ACTL6A: variants seen among roughly 807,000 people sequenced by gnomAD.
ACTL6A encodes actin like 6A.
In ACTL6A, 5 loss-of-function variants were observed where a neutral mutation model predicts 59.2. The ratio of observed to expected loss-of-function variants is 0.08; its 90% confidence interval spans 0.04 to 0.18. The LOEUF (loss-of-function observed/expected upper bound fraction) is 0.18. ACTL6A is among the 10% of genes least tolerant of loss of function. The pLI, the probability that ACTL6A is intolerant of heterozygous loss-of-function variation, is 1.00. For synonymous variants in ACTL6A, 154 were observed against 171.8 expected (o/e 0.90, Z 0.81); for missense variants, 285 against 526.9 (o/e 0.54, Z 4.49).
chr3:179,580,825 CTAG>C (rs1388187051), intron 9 of ACTL6A, 66 bp from the exon 10 acceptor site: 21 of 1,429,520 alleles, frequency 1.5e-5, no homozygotes, highest in Admixed American at 2.3e-5. Context: ...TTATAATTCC[CTAG>C]TAGTTTATAA....
chr3:179,575,776 T>G (rs1718150005), intron 5 of ACTL6A, among the ~76,000 whole-genome samples: 1 of 152,240 alleles, frequency 6.6e-6, no homozygotes, highest in South Asian at 2.1e-4. Context: ...GCCAAACTGC[T>G]GAAACAGCTC....
At chr3:179,563,996 G>A (rs1322784535) in intron 1 of ACTL6A, among the ~76,000 whole-genome samples, 3 of 152,124 alleles carry the variant, frequency 2.0e-5, no homozygotes, top group Non-Finnish European at 4.4e-5. Flanking sequence ...CTAGCCGATG[G>A]GGGTGGGCAT....
intron 13 of ACTL6A, 48 bp downstream of exon 13, chr3:179,586,680 A>AT: frequency 1.4e-6 from 2 of 1,390,504 alleles, no homozygotes; most frequent in Non-Finnish European, 2.0e-6. Context: ...GAATTATACT[A>AT]AATTTAGTAA....
intron 5 of ACTL6A, chr3:179,575,544 G>T: frequency 2.3e-6 from 1 of 427,898 alleles, no homozygotes; most frequent in Admixed American, 2.6e-5. Flanking sequence ...TCCTTATTAA[G>T]CACCAGACTT....
At chr3:179,580,457 GATTAGA>G (rs1177266451) in intron 8 of ACTL6A, among the ~76,000 whole-genome samples, 177 bp from the exon 9 acceptor site, 3 of 152,180 alleles carry the variant, frequency 2.0e-5, no homozygotes, top group South Asian at 4.1e-4. Context: ...TAATGCAAAT[GATTAGA>G]ATTAGGTTTC....
In ACTL6A at chr3:179,570,599, C is replaced by G. The variant is rs1324409096; in HGVS notation, c.277+358C>G. 6.6e-6 allele frequency among the ~76,000 whole-genome samples: 1 copy of G among 152,142 alleles called. No homozygotes were observed. The highest frequency in any genetic ancestry group is 1.5e-5 in the Non-Finnish European group (1 of 68,032). Reference sequence around the variant, plus strand: ...TCACAAAGGAGGTAACATGATGAATCTTGATCAATGAGTAAGAATTAGCTT... The same window carrying G: ...TCACAAAGGAGGTAACATGATGAATGTTGATCAATGAGTAAGAATTAGCTT... On this transcript the variant is annotated intron_variant, in intron 3 of 13. Transcript: ENST00000429709. The surrounding 1 kb of genome is among the most constrained non-coding windows in gnomAD (Gnocchi z 4.3).
chr3:179,570,353 GT>G lies in ACTL6A; in HGVS notation c.277+118del. Reference sequence around the variant, plus strand: ...CAACCATGGTTTTTTGTTTTGTTTTGTTTTTTATTCCACAAACTGATTTCCA... The same window carrying G: ...CAACCATGGTTTTTTGTTTTGTTTTGTTTTTATTCCACAAACTGATTTCCA... On this transcript the variant is annotated intron_variant, in intron 3 of 13. Coordinates refer to ENST00000429709, the MANE Select transcript of ACTL6A (RefSeq NM_004301.5). The surrounding 1 kb of genome is among the most constrained non-coding windows in gnomAD (Gnocchi z 4.3). 9.9e-7 allele frequency: 1 copy of G among 1,012,110 alleles called. No individual in the cohort carries two copies. The highest frequency in any genetic ancestry group is 1.4e-6 in the Non-Finnish European group (1 of 728,636). 62.7% of individuals were successfully genotyped at this position (1,012,110 alleles called of 1,614,324 possible).
chr3:179,579,897 C>G (rs545734241), intron 8 of ACTL6A, among the ~76,000 whole-genome samples: 1 of 152,342 alleles, frequency 6.6e-6, no homozygotes, highest in East Asian at 1.9e-4. Context: ...GCCTCAGCCT[C>G]CTCAGTAGGG....
At position 179,580,885 on chromosome 3, in the gene ACTL6A, T is replaced by C. The variant is rs1288211541; in HGVS notation, c.831-9T>C. ...GTCTTTTGTGTAATACGGTTTAATATGTTTTCAGAGTGGCTGCACAGATGC... is the reference window on the plus strand; with the variant it reads ...GTCTTTTGTGTAATACGGTTTAATACGTTTTCAGAGTGGCTGCACAGATGC... On this transcript the variant is annotated splice_polypyrimidine_tract_variant and intron_variant, in intron 9 of 13. Transcript: ENST00000429709. The C allele has an allele frequency of 2.5e-6, 4 of 1,581,082 alleles. No homozygotes were observed. Among genetic ancestry groups the C allele is most frequent in the South Asian group, 2.4e-5 (2 of 84,388 alleles).
At position 179,588,283 on chromosome 3, in the gene ACTL6A, TGTTTA is replaced by T; in HGVS notation, c.*276_*280del. On this transcript the variant is annotated 3_prime_UTR_variant, in exon 14 of 14. Transcript: ENST00000429709. ...CTTTCAGTAAAATGCTTTCCAACTC[TGTTTA>T]GTGTATTAATTACCAGTGGATTGGT... The T allele has an allele frequency of 3.1e-6, 1 of 318,916 alleles. No homozygotes were observed. Among genetic ancestry groups the T allele is most frequent in the South Asian group, 6.8e-5 (1 of 14,718 alleles). The allele number at this position is 318,916 out of a possible 1,614,324, so 19.8% of individuals were successfully genotyped here. A position where few individuals can be genotyped will look rare whatever the true frequency, so the allele number is the denominator to read the frequency against.
At chr3:179,584,651 G>A (rs1718432253) in intron 12 of ACTL6A, among the ~76,000 whole-genome samples, 1 of 151,868 alleles carries the variant, frequency 6.6e-6, no homozygotes, top group African/African-American at 2.4e-5. Flanking sequence ...CGGACACGGT[G>A]GCACGTGCCT....
intron 1 of ACTL6A, among the ~76,000 whole-genome samples, chr3:179,566,300 G>A (rs370003109): frequency 6.6e-6 from 1 of 152,170 alleles, no homozygotes; most frequent in African/African-American, 2.4e-5. Context: ...AGCTATAGGA[G>A]TAGAATATAT....
At chr3:179,572,675 G>T (rs997231013) in intron 3 of ACTL6A, among the ~76,000 whole-genome samples, 1 of 151,988 alleles carries the variant, frequency 6.6e-6, no homozygotes, top group African/African-American at 2.4e-5. Context: ...TACGGTGGCG[G>T]GCACCTGTAA....
chr3:179,583,196 G>T, intron 11 of ACTL6A, 157 bp from the exon 12 acceptor site: 3 of 494,454 alleles, frequency 6.1e-6, no homozygotes, highest in South Asian at 2.9e-5. Context: ...CCAGGATGGA[G>T]AATTGATGGA....
chr3:179,582,361 A>G (rs918641027), intron 11 of ACTL6A, among the ~76,000 whole-genome samples: 9 of 152,244 alleles, frequency 5.9e-5, no homozygotes, highest in Non-Finnish European at 5.9e-5. Context: ...CCACTAAAAC[A>G]GTTTGACATT....
At chr3:179,573,616 G>T (rs1428304965) in intron 4 of ACTL6A, 147 bp downstream of exon 4, 1 of 599,422 alleles carries the variant, frequency 1.7e-6, no homozygotes, top group Non-Finnish European at 2.8e-6. Context: ...TAGGGAAAAG[G>T]ATTAATTTTT....
chr3:179,584,596 A>G (rs563066381), intron 12 of ACTL6A, among the ~76,000 whole-genome samples: 5 of 146,724 alleles, frequency 3.4e-5, no homozygotes, highest in African/African-American at 1.0e-4. Context: ...ATTCCAACAG[A>G]GCAAGACTCC....
intron 6 of ACTL6A, 48 bp from the exon 7 acceptor site, chr3:179,576,572 G>A (rs1718172377): frequency 1.4e-6 from 2 of 1,442,526 alleles, no homozygotes; most frequent in Admixed American, 1.8e-5. Flanking sequence ...TTCGTTCAAG[G>A]AAGTTTGGAC....
At chr3:179,574,154 TCTGATAGATTTATTA>T (rs1718097357) in intron 4 of ACTL6A, among the ~76,000 whole-genome samples, 2 of 152,178 alleles carry the variant, frequency 1.3e-5, no homozygotes, top group South Asian at 4.1e-4. Flanking sequence ...TTAATTCTTC[TCTGATAGATTTATTA>T]AATTTAATCT....
Sources: gnomAD v4.1 joint callset for allele counts (sites outside exome capture counted in the v4.1 genomes callset) on GRCh38, gnomAD v4.1.1 for gene constraint, Gnocchi (gnomAD v3.1) non-coding constraint, MANE v1.5 for transcripts, NCBI Gene and HGNC (gene_info 2026-07-23, HGNC 2026-07-21) for gene names.